Variants in ATP8A2 observed in about 807,000 individuals in gnomAD.
The protein encoded by ATP8A2 is phospholipid-transporting ATPase IB.
In ATP8A2, 100 loss-of-function variants were observed where a neutral mutation model predicts 165.6. The ratio of observed to expected loss-of-function variants is 0.60; its 90% CI spans 0.51 to 0.71. The LOEUF is 0.71. ATP8A2 is among the 30% of genes least tolerant of loss of function. The probability of loss-of-function intolerance (pLI) is 0.00; values close to 1 mark genes in which losing one functional copy is unlikely to be tolerated. For missense variants in ATP8A2, 1,227 were observed against 1,479.5 expected (o/e 0.83, Z 2.80); for synonymous variants, 543 against 548.8 (o/e 0.99, Z 0.15).
chr13:25,829,857 A>G (rs1211141008), intron 28 of ATP8A2, among the ~76,000 whole-genome samples: 1 of 150,962 alleles, frequency 6.6e-6, no homozygotes, highest in Non-Finnish European at 1.5e-5. Context: ...CCTACTACAG[A>G]TAAGATGCTG....
chr13:25,952,275 C>T (rs117888787), intron 33 of ATP8A2, among the ~76,000 whole-genome samples: 2,197 of 152,210 alleles, frequency 0.014, 27 homozygotes, highest in Non-Finnish European at 0.02. Context: ...TGAATGATTT[C>T]GGGAAATGAA....
chr13:25,742,681 C>CTTTTTTTTT (rs11395602), intron 25 of ATP8A2, among the ~76,000 whole-genome samples: 1 of 130,712 alleles, frequency 7.7e-6, no homozygotes, highest in Non-Finnish European at 1.6e-5. Flanking sequence ...CTCTCTCTGT[C>CTTTTTTTTT]TTTTTTTTTT....
At chr13:25,474,328 G>A (rs571798918) in intron 2 of ATP8A2, among the ~76,000 whole-genome samples, 10 of 152,322 alleles carry the variant, frequency 6.6e-5, no homozygotes, top group African/African-American at 2.4e-4. Flanking sequence ...TTGGGAGGCC[G>A]AGGTAGGCAG....
chr13:25,395,464 A>G (rs767788818), intron 1 of ATP8A2, among the ~76,000 whole-genome samples: 17 of 152,186 alleles, frequency 1.1e-4, no homozygotes, highest in Non-Finnish European at 2.2e-4. Context: ...GAGAAAAGGC[A>G]TACACATTTA....
chr13:25,695,767 A>G (rs751623242), intron 24 of ATP8A2, among the ~76,000 whole-genome samples: 1 of 152,158 alleles, frequency 6.6e-6, no homozygotes, highest in African/African-American at 2.4e-5. Context: ...CGTTGCTTCT[A>G]CCACATCTTC....
chr13:25,674,140 C>G (rs1325588507), intron 24 of ATP8A2, among the ~76,000 whole-genome samples: 4 of 152,088 alleles, frequency 2.6e-5, no homozygotes, highest in Non-Finnish European at 5.9e-5. Flanking sequence ...TCAAGGTTGT[C>G]TGGCCCAAAG....
rs191793918 is a variant in ATP8A2, at chr13:25,794,382, G to A, written c.2679+19423G>A. Among the ~76,000 whole-genome samples the A allele has an allele frequency of 1.3e-4, 20 of 152,356 alleles. 1 individual carries two copies. In the East Asian group the frequency reaches 3.9e-3, roughly 29 times the overall value. Reference sequence around the variant, plus strand: ...GAATACAGTGCTTTGCTGTGCAAATGCATTGTGCTACATGAAAGAACCCAG... The same window carrying A: ...GAATACAGTGCTTTGCTGTGCAAATACATTGTGCTACATGAAAGAACCCAG... On this transcript the variant is annotated intron_variant, in intron 27 of 36. Transcript: ENST00000381655.
intron 33 of ATP8A2, among the ~76,000 whole-genome samples, chr13:25,872,348 A>T (rs1327636369): frequency 6.6e-6 from 1 of 152,088 alleles, no homozygotes; most frequent in African/African-American, 2.4e-5. Context: ...CTGGCTGAGG[A>T]TGAATTGAGC....
chr13:25,855,250 CAAAA>C (rs377574904), intron 30 of ATP8A2, among the ~76,000 whole-genome samples: 3 of 111,580 alleles, frequency 2.7e-5, no homozygotes, highest in Non-Finnish European at 3.9e-5. Flanking sequence ...GACTCCATCT[CAAAA>C]AAAAAAAAAA....
At chr13:25,389,116 A>G (rs1430847389) in intron 1 of ATP8A2, among the ~76,000 whole-genome samples, 1 of 152,210 alleles carries the variant, frequency 6.6e-6, no homozygotes, top group Non-Finnish European at 1.5e-5. Context: ...CACTCAGTGA[A>G]ATTTGGGGGA....
chr13:25,915,526 G>A (rs758418218), intron 33 of ATP8A2, among the ~76,000 whole-genome samples: 12 of 152,172 alleles, frequency 7.9e-5, no homozygotes, highest in Non-Finnish European at 1.6e-4. Context: ...CAGCAGGGGC[G>A]GGAGCAATAA....
At chr13:25,780,236 A>T (rs1228073617) in intron 27 of ATP8A2, among the ~76,000 whole-genome samples, 2 of 152,228 alleles carry the variant, frequency 1.3e-5, no homozygotes, top group Non-Finnish European at 2.9e-5. Context: ...TGAAATAGAG[A>T]TGAGTCTGAA....
chr13:25,945,730 C>T (rs916639376), intron 33 of ATP8A2, among the ~76,000 whole-genome samples: 3 of 152,162 alleles, frequency 2.0e-5, no homozygotes, highest in African/African-American at 4.8e-5. Flanking sequence ...GAAAATGTCT[C>T]ATCAAGGGGT....
intron 30 of ATP8A2, among the ~76,000 whole-genome samples, chr13:25,853,187 G>A (rs571293055): frequency 2.6e-5 from 4 of 151,624 alleles, no homozygotes; most frequent in Admixed American, 6.6e-5. Flanking sequence ...TCAGGAGTTC[G>A]AGACCAGCCT....
intron 34 of ATP8A2, among the ~76,000 whole-genome samples, chr13:25,964,113 C>T (rs892683771): frequency 1.3e-5 from 2 of 152,230 alleles, no homozygotes; most frequent in African/African-American, 4.8e-5. Context: ...GCCCAGAACT[C>T]AGCTTTTCCG....
chr13:25,832,365 C>G (rs1256153150), intron 28 of ATP8A2, among the ~76,000 whole-genome samples: 2 of 152,188 alleles, frequency 1.3e-5, no homozygotes, highest in Non-Finnish European at 2.9e-5. Flanking sequence ...TATTTGACCA[C>G]TTGCAGAAAA....
intron 33 of ATP8A2, among the ~76,000 whole-genome samples, chr13:25,911,906 T>C (rs1954116330): frequency 6.6e-6 from 1 of 152,214 alleles, no homozygotes; most frequent in African/African-American, 2.4e-5. Context: ...GGAACCCTTG[T>C]ACACTGTAGT....
intron 1 of ATP8A2, among the ~76,000 whole-genome samples, chr13:25,465,667 C>G (rs1364484000): frequency 3.5e-4 from 2 of 5,634 alleles, no homozygotes; most frequent in South Asian, 5.7e-3. Context: ...GCAGAGTTTT[C>G]TTTCTTTCTT....
At chr13:25,989,210 T>G (rs954776622) in intron 35 of ATP8A2, among the ~76,000 whole-genome samples, 2 of 151,996 alleles carry the variant, frequency 1.3e-5, no homozygotes, top group Non-Finnish European at 2.9e-5. Flanking sequence ...GTTGGATGTT[T>G]ATTGTCCAGA....
Sources: allele counts gnomAD v4.1 joint callset (sites outside exome capture counted in the v4.1 genomes callset), GRCh38; gene constraint gnomAD v4.1.1; transcripts MANE v1.5; gene names NCBI Gene and HGNC (gene_info 2026-07-23, HGNC 2026-07-21).